The following SMARCC1 variants were observed in gnomAD, a reference collection of about 807,000 sequenced individuals.
SMARCC1 encodes the protein SWI/SNF complex subunit SMARCC1.
In SMARCC1, 43 loss-of-function variants were observed where a neutral mutation model predicts 147.4. The ratio of observed to expected loss-of-function variants is 0.29; its 90% CI spans 0.23 to 0.38. SMARCC1 has a LOEUF of 0.38. SMARCC1 is among the 10% of genes least tolerant of loss of function. SMARCC1 has a pLI of 1.00. For missense variants in SMARCC1, 1,119 were observed against 1,381.1 expected, an observed-to-expected ratio of 0.81 and a Z score of 3.01; for synonymous variants, 495 against 484.4, an observed-to-expected ratio of 1.02 and a Z score of -0.29.
chr3:47,769,649 C>T (rs768407779), intron 2 of SMARCC1, among the ~76,000 whole-genome samples: 29 of 152,114 alleles, frequency 1.9e-4, no homozygotes, highest in Non-Finnish European at 4.1e-4. Flanking sequence ...AGAAATATTT[C>T]CTGACATCAC....
intron 26 of SMARCC1, among the ~76,000 whole-genome samples, chr3:47,607,646 G>C (rs148492348): frequency 6.6e-6 from 1 of 152,200 alleles, no homozygotes; most frequent in African/African-American, 2.4e-5. Flanking sequence ...GATGCTGGCA[G>C]TTAAGCTTGA....
At chr3:47,709,104 T>TA (rs1007584342) in intron 9 of SMARCC1, among the ~76,000 whole-genome samples, 14 of 151,300 alleles carry the variant, frequency 9.3e-5, no homozygotes, top group South Asian at 2.1e-4. Flanking sequence ...CTACTGAAAA[T>TA]AAAAAAATTA....
intron 14 of SMARCC1, among the ~76,000 whole-genome samples, chr3:47,685,436 ACTC>A (rs1235926672): frequency 6.6e-6 from 1 of 152,126 alleles, no homozygotes; most frequent in Non-Finnish European, 1.5e-5. Context: ...TTATACTACT[ACTC>A]AAGTATTTGC....
chr3:47,781,458 G>A (rs549288102), intron 1 of SMARCC1, 145 bp downstream of exon 1: 82 of 455,418 alleles, frequency 1.8e-4, no homozygotes, highest in Admixed American at 6.6e-4. Context: ...CAGAGCGGGC[G>A]GCGGGGGCGT....
intron 2 of SMARCC1, among the ~76,000 whole-genome samples, chr3:47,771,183 A>G (rs1013183319): frequency 5.3e-5 from 8 of 152,210 alleles, no homozygotes; most frequent in African/African-American, 1.9e-4. Context: ...TGCTGGGATT[A>G]CAGGCATAAG....
chr3:47,653,001 C>G (rs2033211341), intron 21 of SMARCC1, among the ~76,000 whole-genome samples: 1 of 144,760 alleles, frequency 6.9e-6, no homozygotes, highest in East Asian at 2.1e-4. Flanking sequence ...CCAGGCCGGA[C>G]TGCGGACTGC....
rs376758128 is a variant in SMARCC1, at chr3:47,776,179, T to C, written c.196-3243A>G. Among the ~76,000 whole-genome samples, 10 of 151,992 alleles carry C rather than the reference T, an allele frequency of 6.6e-5. No individual in the cohort carries two copies. In the East Asian group the frequency reaches 1.7e-3, roughly 26 times the overall value. On this transcript the variant is annotated intron_variant, in intron 1 of 27. Coordinates refer to ENST00000254480, the MANE Select transcript of SMARCC1 (RefSeq NM_003074.4). ...GAAAAAAAAAAATACTTCAAGTGTA[T>C]CTTACAAAACTGACAAAATACATTG...
At chr3:47,598,942 C>A (rs570775640) in intron 26 of SMARCC1, among the ~76,000 whole-genome samples, 1 of 151,144 alleles carries the variant, frequency 6.6e-6, no homozygotes, top group Non-Finnish European at 1.5e-5. Context: ...CAAAGAGAGA[C>A]GTGGCCGTAA....
At chr3:47,743,556 G>A (rs939867177) in intron 3 of SMARCC1, among the ~76,000 whole-genome samples, 3 of 151,936 alleles carry the variant, frequency 2.0e-5, no homozygotes, top group Admixed American at 6.6e-5. Flanking sequence ...ACTCATGCCT[G>A]TAATCCCAGC....
chr3:47,588,774 T>C (rs1397849168), intron 27 of SMARCC1, among the ~76,000 whole-genome samples: 1 of 128,708 alleles, frequency 7.8e-6, no homozygotes, highest in Non-Finnish European at 1.5e-5. Flanking sequence ...TCTTGCTATA[T>C]AAATGTCTCC....
intron 2 of SMARCC1, among the ~76,000 whole-genome samples, chr3:47,771,039 G>T (rs1460455886): frequency 7.9e-5 from 12 of 151,880 alleles, no homozygotes; most frequent in Non-Finnish European, 1.8e-4. Flanking sequence ...GCCTCCCAAG[G>T]AGCTGGGACC....
At chr3:47,695,804 C>T (rs1461527613) in intron 11 of SMARCC1, among the ~76,000 whole-genome samples, 4 of 142,124 alleles carry the variant, frequency 2.8e-5, no homozygotes, top group Non-Finnish European at 4.6e-5. Context: ...GTGTGGCTCA[C>T]GCCTGTAATC....
chr3:47,678,313 TA>T lies in SMARCC1; in HGVS notation c.1458-3del, dbSNP rs35864591. On this transcript the variant is annotated splice_polypyrimidine_tract_variant and splice_region_variant and intron_variant, in intron 15 of 27. Coordinates refer to ENST00000254480, the MANE Select transcript of SMARCC1 (RefSeq NM_003074.4). ...ATAAAATTTCGATATGCCAAGTATC[TA>T]AAAAGCAATGGCAAAATTCATAAGG... 1 of 1,526,696 alleles carries T rather than the reference TA, an allele frequency of 6.6e-7. No individual in the cohort carries two copies. The highest frequency in any genetic ancestry group is 1.8e-5 in the Admixed American group (1 of 55,122). The allele number at this position is 1,526,696 out of a possible 1,614,324, so 94.6% of individuals were successfully genotyped here.
chr3:47,715,576 A>G (rs1355378084), intron 7 of SMARCC1, among the ~76,000 whole-genome samples: 1 of 152,152 alleles, frequency 6.6e-6, no homozygotes, highest in African/African-American at 2.4e-5. Context: ...GGTCTCTCAA[A>G]GAGTTAATTT....
At chr3:47,753,328 A>T (rs2034649225) in intron 2 of SMARCC1, among the ~76,000 whole-genome samples, 1 of 150,002 alleles carries the variant, frequency 6.7e-6, no homozygotes. Flanking sequence ...CCATCTCCAA[A>T]AAAAAAAAAA....
chr3:47,659,905 A>T (rs2033321148), intron 21 of SMARCC1, among the ~76,000 whole-genome samples: 1 of 152,188 alleles, frequency 6.6e-6, no homozygotes, highest in African/African-American at 2.4e-5. Context: ...ACAGGTAAAA[A>T]TGGAAAATAA....
At chr3:47,627,708 G>C (rs1320832695) in intron 24 of SMARCC1, among the ~76,000 whole-genome samples, 5 of 152,106 alleles carry the variant, frequency 3.3e-5, no homozygotes, top group African/African-American at 9.7e-5. Flanking sequence ...TACTAGACAT[G>C]AGGGCCTCTA....
intron 21 of SMARCC1, among the ~76,000 whole-genome samples, chr3:47,642,069 C>A (rs1471796556): frequency 6.6e-6 from 1 of 152,136 alleles, no homozygotes. Context: ...CTATCGCATC[C>A]ATCCCTGAAA....
intron 6 of SMARCC1, among the ~76,000 whole-genome samples, chr3:47,725,613 G>C (rs2034289048): frequency 6.6e-6 from 1 of 151,974 alleles, no homozygotes; most frequent in Non-Finnish European, 1.5e-5. Flanking sequence ...ACCATGCCCA[G>C]CTATTTTTTT....
Sources: gnomAD v4.1 joint callset for allele counts (sites outside exome capture counted in the v4.1 genomes callset) on GRCh38, gnomAD v4.1.1 for gene constraint, MANE v1.5 for transcripts, NCBI Gene and HGNC (gene_info 2026-07-23, HGNC 2026-07-21) for gene names.